The following DNAH1 variants were observed in gnomAD, a reference collection of about 807,000 sequenced individuals.
DNAH1 encodes axonemal beta dynein heavy chain 1.
DNAH1 carries 327 observed loss-of-function variants against 484.3 expected under a neutral mutation model. That is an observed-to-expected ratio of 0.68 (90% CI 0.62 to 0.74). The LOEUF (loss-of-function observed/expected upper bound fraction) is 0.74. Among genes scored for constraint, DNAH1 ranks in the 30% least tolerant of loss-of-function variants. The pLI is 0.00. For synonymous variants in DNAH1, 2,192 were observed against 2,191.9 expected (o/e 1.00, Z 0.00); for missense variants, 5,052 against 5,546.8 (o/e 0.91, Z 2.83).
At chr3:52,399,886 CAG>C in intron 77 of DNAH1, 107 bp downstream of exon 77, 7 of 1,228,128 alleles carry the variant, frequency 5.7e-6, no homozygotes, top group Middle Eastern at 2.0e-4. Flanking sequence ...GGAAGGACAA[CAG>C]AGATTTGGGC....
intron 58 of DNAH1, 83 bp from the exon 59 acceptor site, chr3:52,388,722 AC>A: frequency 6.2e-7 from 1 of 1,604,372 alleles, no homozygotes; most frequent in Non-Finnish European, 8.5e-7. Flanking sequence ...CTCCCTGGCA[AC>A]CCCAGGTGCC....
At chr3:52,398,435 C>A (rs1003037059) in intron 75 of DNAH1, among the ~76,000 whole-genome samples, 11 of 152,306 alleles carry the variant, frequency 7.2e-5, no homozygotes, top group Admixed American at 7.2e-4. Flanking sequence ...GCGCACACCA[C>A]CTAATTAGCG....
At chr3:52,343,621 G>A (rs550124880) in intron 8 of DNAH1, among the ~76,000 whole-genome samples, 43 of 152,260 alleles carry the variant, frequency 2.8e-4, no homozygotes, top group African/African-American at 9.9e-4. Context: ...CCAACATCCC[G>A]CAGCTCTGGT....
Position 52,384,665 on chromosome 3 carries a change from G to A in DNAH1, c.8323-121G>A, listed in dbSNP as rs1704016543. On this transcript the variant is annotated intron_variant, in intron 52 of 77. Transcript: ENST00000420323. The stretch of plus-strand genomic sequence containing the variant: ...CGTGAGGCTCATAGAGTGAATGTGA[G>A]AGGCATGGAGGTTCCTGCTGTGGCC... The A allele has an allele frequency of 1.2e-5, 12 of 996,882 alleles. No individual in the cohort carries two copies. In the East Asian group the frequency reaches 3.3e-4, roughly 27 times the overall value. 61.8% of individuals were successfully genotyped at this position (996,882 alleles called of 1,614,324 possible). A position where few individuals can be genotyped will look rare whatever the true frequency, so the allele number is the denominator to read the frequency against.
In DNAH1 at chr3:52,322,643, C is replaced by T. The variant is rs1701190185; in HGVS notation, c.201C>T (p.Ala67=). ...TCCCACATTTACCCCTGCCCCCGGC[C>T]CCACCCACACTCTCAGACTTGGGGC... ...PKLPHLPLPP[A]PPTLSDLGQP... The change falls in exon 2 of 78, where the codon GCC becomes GCT. Residue 67 remains alanine (A), a synonymous_variant. Coordinates refer to ENST00000420323, the MANE Select transcript of DNAH1 (RefSeq NM_015512.5). The T allele has an allele frequency of 5.0e-6, 8 of 1,613,958 alleles. No individual in the cohort carries two copies. The African/African-American group carries it at 6.7e-5, about 13-fold the overall frequency.
At position 52,382,184 on chromosome 3, in the gene DNAH1, G is replaced by A. The variant is rs370805105; in HGVS notation, c.7806-136G>A. 6 of 1,406,422 alleles carry A rather than the reference G, an allele frequency of 4.3e-6. No homozygotes were observed. The South Asian group carries it at 4.8e-5, about 11-fold the overall frequency. The allele number at this position is 1,406,422 out of a possible 1,614,324, so 87.1% of individuals were successfully genotyped here. ...GTCTGAAGGCAAAAAAGCAGGTTCA[G>A]GGCCTGAAGGGTCTGCAGGTCTGCC... On this transcript the variant is annotated intron_variant, in intron 49 of 77. Transcript: ENST00000420323.
rs1702591591 is a variant in DNAH1 at position 52,355,937 on chromosome 3, G to C, written c.3694-677G>C. ...TCAGGGGCAGAACTGGCCCCTTAGT[G>C]GGCTGTGGGCCCCTCGAGGGAAGGG... On this transcript the variant is annotated intron_variant, in intron 21 of 77. Transcript: ENST00000420323. The surrounding 1 kb of genome is among the most constrained non-coding windows in gnomAD (Gnocchi z 4.5). 6.6e-6 allele frequency among the ~76,000 whole-genome samples: 1 copy of C among 152,220 alleles called. No individual in the cohort carries two copies. Among genetic ancestry groups the C allele is most frequent in the Non-Finnish European group, 1.5e-5 (1 of 68,040 alleles).
chr3:52,323,734 C>T, intron 2 of DNAH1, 74 bp from the exon 3 acceptor site: 1 of 1,286,426 alleles, frequency 7.8e-7, no homozygotes, highest in Non-Finnish European at 1.1e-6. Context: ...GGCGCCTGGG[C>T]TCGGGGTCCC....
intron 55 of DNAH1, 125 bp from the exon 56 acceptor site, chr3:52,386,537 T>C: frequency 7.7e-7 from 1 of 1,290,780 alleles, no homozygotes; most frequent in African/African-American, 1.5e-5. Flanking sequence ...TCGGTGGATC[T>C]CTGGATATGC....
chr3:52,358,669 G>A lies in DNAH1; in HGVS notation c.4198G>A (p.Glu1400Lys). The A allele has an allele frequency of 6.2e-7, 1 of 1,613,156 alleles. No homozygotes were observed. The highest frequency in any genetic ancestry group is 8.5e-7 in the Non-Finnish European group (1 of 1,179,774). The change falls in exon 25 of 78, where the codon GAG becomes AAG. Residue 1400 changes from glutamate to lysine, a missense_variant. By Grantham distance (56) the Glu-to-Lys change is moderately conservative (BLOSUM62 1). This residue lies in a region of DNAH1 where 2,929 missense variants were observed against 3,409.4 expected (regional missense o/e 0.86). Transcript: ENST00000420323. The surrounding 1 kb of genome is among the most constrained non-coding windows in gnomAD (Gnocchi z 4.2). ...CAGCAACGTGGAGGACTGGCTGCGGGAGGTGGAGCGCAGCATGAAGGCCAG... is the reference window on the plus strand; with the variant it reads ...CAGCAACGTGGAGGACTGGCTGCGGAAGGTGGAGCGCAGCATGAAGGCCAG... ...PSSNVEDWLR[E>K]VERSMKASVH...
intron 3 of DNAH1, among the ~76,000 whole-genome samples, chr3:52,324,725 AC>A (rs1701272895): frequency 6.6e-6 from 1 of 152,132 alleles, no homozygotes; most frequent in South Asian, 2.1e-4. Context: ...AGTATCTGTG[AC>A]CCAGAAAATG....
At chr3:52,343,731 C>T (rs903739046) in intron 8 of DNAH1, among the ~76,000 whole-genome samples, 11 of 152,088 alleles carry the variant, frequency 7.2e-5, no homozygotes, top group South Asian at 2.1e-4. Context: ...AGGGAGAGAT[C>T]GATGGCAGAG....
At chr3:52,396,211 A>G (rs1578206522) in intron 70 of DNAH1, among the ~76,000 whole-genome samples, 157 bp from the exon 71 acceptor site, 1 of 152,006 alleles carries the variant, frequency 6.6e-6, no homozygotes. Flanking sequence ...GGGATTACAG[A>G]CGTGAGCCAC....
Position 52,362,988 on chromosome 3 carries a change from G to A in DNAH1, c.5095-7G>A. 1 of 1,613,394 alleles carries A rather than the reference G, an allele frequency of 6.2e-7. No individual in the cohort carries two copies. On this transcript the variant is annotated splice_region_variant and splice_polypyrimidine_tract_variant and intron_variant, in intron 31 of 77. Transcript: ENST00000420323. This position sits in a 1 kb window ranked among gnomAD's most constrained non-coding sequence, Gnocchi z 5.1. ...TTTGCTGTTCACATGTGCACTGTGTGTCCCAGGCGCTCTTCCGACCCGTGG... is the reference window on the plus strand; with the variant it reads ...TTTGCTGTTCACATGTGCACTGTGTATCCCAGGCGCTCTTCCGACCCGTGG...
rs913751856 is a variant in DNAH1, at chr3:52,395,009, A to T, written c.10918A>T (p.Met3640Leu). 1.2e-6 allele frequency: 2 copies of T among 1,611,912 alleles called. No individual in the cohort carries two copies. Among genetic ancestry groups the T allele is most frequent in the South Asian group, 1.1e-5 (1 of 90,500 alleles). Residue 3640 changes from methionine (M) to leucine (L), a missense_variant, in exon 68 of 78, where the codon ATG becomes TTG. Around this residue, in one of 4 missense-constraint regions of DNAH1, gnomAD observed 853 missense variants for 899.0 expected, o/e 0.95. Coordinates refer to ENST00000420323, the MANE Select transcript of DNAH1 (RefSeq NM_015512.5). The surrounding 1 kb of genome is among the most constrained non-coding windows in gnomAD (Gnocchi z 4.4). Reference protein sequence around the residue: ...CLRGDKVTNAMQDFVATNLEP... With the variant: ...CLRGDKVTNALQDFVATNLEP... ...GCGTGGGGACAAGGTTACCAACGCC[A>T]TGCAGGACTTTGTGGCCACCAACCT...
chr3:52,386,768 C>T lies in DNAH1; in HGVS notation c.8918C>T (p.Thr2973Ile). 1 of 1,588,708 alleles carries T rather than the reference C, an allele frequency of 6.3e-7. No individual in the cohort carries two copies. The highest frequency in any genetic ancestry group is 8.6e-7 in the Non-Finnish European group (1 of 1,167,928). ...AAGGTGCCTGGAGAAAAGCCAGGCA[C>T]CAAGGTGGATGACTACTGGGAGCCT... is the stretch of plus-strand genomic sequence containing the variant. ...PKKVPGEKPG[T>I]KVDDYWEPGK... The change falls in exon 56 of 78, where the codon ACC (threonine) becomes ATC (isoleucine). Residue 2973 changes from threonine (T) to isoleucine (I), a missense_variant. By Grantham distance (89) the Thr-to-Ile change is moderately conservative. Transcript: ENST00000420323.
chr3:52,331,245 C>G lies in DNAH1; in HGVS notation c.969C>G (p.Asp323Glu), dbSNP rs3864111. Residue 323 changes from aspartate to glutamate, a missense_variant, in exon 7 of 78, where the codon GAC becomes GAG. Coordinates refer to ENST00000420323, the MANE Select transcript of DNAH1 (RefSeq NM_015512.5). ...AGCTATACCTGGTACACAAGACAGA[C>G]GAGAAAGGCCTGGTGCGAGATGAGA... ...EKKLYLVHKT[D>E]EKGLVRDEMG... 1.2e-6 allele frequency: 2 copies of G among 1,611,436 alleles called. No homozygotes were observed. The highest frequency in any genetic ancestry group is 2.2e-5 in the East Asian group (1 of 44,820).
chr3:52,388,963 G>T, intron 59 of DNAH1, 26 bp downstream of exon 59: 2 of 1,561,568 alleles, frequency 1.3e-6, no homozygotes, highest in South Asian at 2.4e-5. Context: ...CTCTGTCTCT[G>T]ACCAGCCTCG....
Position 52,349,035 on chromosome 3 carries a change from C to A in DNAH1, c.2254C>A (p.Arg752=). 2 of 1,612,966 alleles carry A rather than the reference C, an allele frequency of 1.2e-6. No homozygotes were observed. The highest frequency in any genetic ancestry group is 1.7e-6 in the Non-Finnish European group (2 of 1,179,894). Residue 752 remains arginine, a synonymous_variant, in exon 13 of 78, where the codon CGA becomes AGA. Transcript: ENST00000420323. ...IPLQAYAKEY[R]KYLELNNNDI... ...ACTGCAGGCCTACGCCAAGGAGTAC[C>A]GAAAGTACCTGGAGCTGAACAACAA...
Sources: gnomAD v4.1 joint callset for allele counts (sites outside exome capture counted in the v4.1 genomes callset) on GRCh38, gnomAD v4.1.1 for gene constraint, gnomAD v4.1.1 regional missense constraint, Gnocchi (gnomAD v3.1) non-coding constraint, MANE v1.5 for transcripts, NCBI Gene and HGNC (gene_info 2026-07-23, HGNC 2026-07-21) for gene names.